TECRL: variants seen among roughly 807,000 people sequenced by gnomAD.
TECRL encodes trans-2,3-enoyl-CoA reductase like.
In TECRL, 63 loss-of-function variants were observed where a neutral mutation model predicts 52.8. The ratio of observed to expected loss-of-function variants is 1.19; its 90% confidence interval spans 0.97 to 1.47. The LOEUF is 1.47. Ranked by LOEUF, TECRL falls within the 40% of genes most tolerant of loss-of-function variation. The pLI is 0.00. For missense variants in TECRL, 482 were observed against 429.6 expected (o/e 1.12, Z -1.08); for synonymous variants, 164 against 141.9 (o/e 1.16, Z -1.10).
chr4:64,400,654 G>A (rs1724290695), intron 1 of TECRL, among the ~76,000 whole-genome samples: 1 of 152,088 alleles, frequency 6.6e-6, no homozygotes, highest in Non-Finnish European at 1.5e-5. Flanking sequence ...CATTCTCTTG[G>A]CACTGTCCTC....
intron 6 of TECRL, among the ~76,000 whole-genome samples, chr4:64,307,132 C>T (rs1056272456): frequency 2.0e-5 from 3 of 152,110 alleles, no homozygotes; most frequent in Non-Finnish European, 1.5e-5. Flanking sequence ...AGGTCAGTCA[C>T]TTTCATTTCC....
chr4:64,286,388 C>T (rs1186399080), intron 9 of TECRL, among the ~76,000 whole-genome samples: 6 of 151,168 alleles, frequency 4.0e-5, no homozygotes, highest in Non-Finnish European at 8.9e-5. Flanking sequence ...AAAGAATAGC[C>T]AAAAAAGGGA....
Position 64,290,835 on chromosome 4 carries a change from G to T in TECRL, c.775-1068C>A, listed in dbSNP as rs555449583. 2.0e-5 allele frequency among the ~76,000 whole-genome samples: 3 copies of T among 151,944 alleles called. No individual in the cohort carries two copies. The East Asian group carries it at 5.8e-4, about 29-fold the overall frequency. On this transcript the variant is annotated intron_variant, in intron 8 of 11. Transcript: ENST00000381210. Reference sequence around the variant, plus strand: ...ATCTTCAATAAATTAATTCACCCAGGACATAATGTAAACAAATACACCAAA... The same window carrying T: ...ATCTTCAATAAATTAATTCACCCAGTACATAATGTAAACAAATACACCAAA...
chr4:64,357,767 C>CA (rs1312871464), intron 2 of TECRL, among the ~76,000 whole-genome samples: 2 of 151,254 alleles, frequency 1.3e-5, no homozygotes, highest in African/African-American at 2.4e-5. Flanking sequence ...ATAAGCCATA[C>CA]AAAACCCAAA....
At chr4:64,341,818 T>C (rs1719591009) in intron 2 of TECRL, among the ~76,000 whole-genome samples, 1 of 152,148 alleles carries the variant, frequency 6.6e-6, no homozygotes, top group Non-Finnish European at 1.5e-5. Context: ...GCTTGTGGTG[T>C]GCCTGGTCCA....
intron 6 of TECRL, among the ~76,000 whole-genome samples, chr4:64,308,479 G>A (rs1380841654): frequency 6.6e-6 from 1 of 152,092 alleles, no homozygotes. Context: ...AACCCCAGGG[G>A]GATCTCTACC....
intron 9 of TECRL, among the ~76,000 whole-genome samples, chr4:64,282,751 T>C (rs1722890466): frequency 6.6e-6 from 1 of 152,038 alleles, no homozygotes; most frequent in South Asian, 2.1e-4. Context: ...AAATAATGGA[T>C]ATGCCTTATG....
chr4:64,353,561 A>G (rs1162360318), intron 2 of TECRL, among the ~76,000 whole-genome samples: 1 of 152,128 alleles, frequency 6.6e-6, no homozygotes, highest in Non-Finnish European at 1.5e-5. Context: ...AGGTTTGAAG[A>G]TGGAGTATTT....
chr4:64,281,161 T>C lies in TECRL; in HGVS notation c.919-75A>G, dbSNP rs143193523. ...TTTGTTCATTTGTGGCTTTAACAGGTAATTTTAAGGCTTAAAATATTAGAA... is the reference window on the plus strand; with the variant it reads ...TTTGTTCATTTGTGGCTTTAACAGGCAATTTTAAGGCTTAAAATATTAGAA... On this transcript the variant is annotated intron_variant, in intron 10 of 11. Coordinates refer to ENST00000381210, the MANE Select transcript of TECRL (RefSeq NM_001010874.5). 1,351 of 1,140,748 alleles carry C rather than the reference T, an allele frequency of 1.2e-3. 7 individuals are homozygous for C. In the African/African-American group the frequency reaches 0.019, roughly 16 times the overall value. 70.7% of individuals were successfully genotyped at this position (1,140,748 alleles called of 1,614,324 possible).
chr4:64,387,876 G>C (rs573485425), intron 1 of TECRL, among the ~76,000 whole-genome samples: 1 of 151,850 alleles, frequency 6.6e-6, no homozygotes, highest in East Asian at 1.9e-4. Flanking sequence ...TAAATTTTAA[G>C]AGTTCTTTGT....
At chr4:64,350,353 A>C (rs576062810) in intron 2 of TECRL, among the ~76,000 whole-genome samples, 1 of 152,350 alleles carries the variant, frequency 6.6e-6, no homozygotes, top group South Asian at 2.1e-4. Context: ...AGTAGATAGA[A>C]TAATGCAACC....
chr4:64,406,220 T>C (rs1724718840), intron 1 of TECRL, among the ~76,000 whole-genome samples: 1 of 151,836 alleles, frequency 6.6e-6, no homozygotes, highest in Admixed American at 6.6e-5. Flanking sequence ...TAAATATATT[T>C]TCTTTCATCC....
At chr4:64,323,300 G>A (rs985267217) in intron 3 of TECRL, among the ~76,000 whole-genome samples, 12 of 152,124 alleles carry the variant, frequency 7.9e-5, no homozygotes, top group African/African-American at 2.6e-4. Flanking sequence ...AGGAGGCTGA[G>A]GTGGGAGGAT....
At chr4:64,307,165 G>C (rs1263988731) in intron 6 of TECRL, among the ~76,000 whole-genome samples, 1 of 152,142 alleles carries the variant, frequency 6.6e-6, no homozygotes, top group East Asian at 1.9e-4. Flanking sequence ...ATCTGGCTCT[G>C]TCCATTACCT....
chr4:64,348,751 A>G (rs1040654481), intron 2 of TECRL, among the ~76,000 whole-genome samples: 2 of 152,098 alleles, frequency 1.3e-5, no homozygotes, highest in Admixed American at 1.3e-4. Flanking sequence ...TGGGGTTTTT[A>G]AAAAATTGTA....
intron 2 of TECRL, among the ~76,000 whole-genome samples, chr4:64,342,173 T>C (rs1473104595): frequency 6.6e-6 from 1 of 152,202 alleles, no homozygotes; most frequent in Non-Finnish European, 1.5e-5. Flanking sequence ...TTTCTGCCTG[T>C]TATTGTTTCC....
At chr4:64,336,857 A>G (rs919699939) in intron 2 of TECRL, among the ~76,000 whole-genome samples, 12 of 152,194 alleles carry the variant, frequency 7.9e-5, no homozygotes, top group African/African-American at 2.9e-4. Flanking sequence ...GTTTGATTGC[A>G]CTGTGGTCTG....
chr4:64,352,648 T>C (rs939467274), intron 2 of TECRL, among the ~76,000 whole-genome samples: 14 of 152,222 alleles, frequency 9.2e-5, no homozygotes, highest in African/African-American at 3.4e-4. Context: ...ACTATAGCAT[T>C]ACTTCCTCTA....
At chr4:64,404,239 A>T (rs566805887) in intron 1 of TECRL, among the ~76,000 whole-genome samples, 2 of 150,834 alleles carry the variant, frequency 1.3e-5, no homozygotes, top group Non-Finnish European at 3.0e-5. Flanking sequence ...AAAAAAAACA[A>T]TAGGAGAAAG....
Sources: gnomAD v4.1 joint callset for allele counts (sites outside exome capture counted in the v4.1 genomes callset) on GRCh38, gnomAD v4.1.1 for gene constraint, MANE v1.5 for transcripts, NCBI Gene and HGNC (gene_info 2026-07-23, HGNC 2026-07-21) for gene names.